The following SHANK1 variants were observed in gnomAD, a reference collection of about 807,000 sequenced individuals.
The protein encoded by SHANK1 is SH3 and multiple ankyrin repeat domains protein 1.
A neutral mutation model predicts 165.6 loss-of-function variants in SHANK1; 35 were observed. That is an observed-to-expected ratio of 0.21 (90% CI 0.16 to 0.28). The LOEUF is 0.28. Among genes scored for constraint, SHANK1 ranks in the 10% least tolerant of loss-of-function variants. The probability of loss-of-function intolerance (pLI) is 1.00; values close to 1 mark genes in which losing one functional copy is unlikely to be tolerated. For synonymous variants in SHANK1, 1,428 were observed against 1,384.8 expected, an observed-to-expected ratio of 1.03 and a Z score of -0.69; for missense variants, 2,681 against 3,036.4, an observed-to-expected ratio of 0.88 and a Z score of 2.75.
In SHANK1 at chr19:50,666,688, G is replaced by A; in HGVS notation, c.5272C>T (p.Arg1758Trp). ...PPQLMTPSKL[R>W]GRALGASGGL... Reference sequence around the variant, plus strand: ...CCGCTGGCTCCTAGCGCCCGGCCCCGGAGCTTAGAGGGAGTCATGAGCTGA... The same window carrying A: ...CCGCTGGCTCCTAGCGCCCGGCCCCAGAGCTTAGAGGGAGTCATGAGCTGA... Residue 1758 changes from arginine (R) to tryptophan (W), a missense_variant, in exon 23 of 24, where the codon CGG becomes TGG. Coordinates refer to ENST00000293441, the MANE Select transcript of SHANK1 (RefSeq NM_016148.5). 4 of 1,584,068 alleles carry A rather than the reference G, an allele frequency of 2.5e-6. No homozygotes were observed. Among genetic ancestry groups the A allele is most frequent in the South Asian group, 1.1e-5 (1 of 87,180 alleles).
In SHANK1 at chr19:50,666,655, G is replaced by A. The variant is rs1392161648; in HGVS notation, c.5305C>T (p.Arg1769Trp). Residue 1769 changes from arginine to tryptophan, a missense_variant, in exon 23 of 24, where the codon CGG becomes TGG. Around this residue, in one of 10 missense-constraint regions of SHANK1, gnomAD observed 1,713 missense variants for 1,630.2 expected, o/e 1.05. Coordinates refer to ENST00000293441, the MANE Select transcript of SHANK1 (RefSeq NM_016148.5). ...GRALGASGGLRPGPSGGLRDP... is the reference protein window; with the variant it reads ...GRALGASGGLWPGPSGGLRDP... ...CGGAGTCCCCCGCTGGGGCCAGGCC[G>A]CAGGCCTCCGCTGGCTCCTAGCGCC... 4 of 1,589,600 alleles carry A rather than the reference G, an allele frequency of 2.5e-6. No individual in the cohort carries two copies. Among genetic ancestry groups the A allele is most frequent in the Non-Finnish European group, 1.7e-6 (2 of 1,171,810 alleles).
In SHANK1 at chr19:50,667,028, G is replaced by C; in HGVS notation, c.4932C>G (p.Asp1644Glu). 1 of 1,550,162 alleles carries C rather than the reference G, an allele frequency of 6.5e-7. No homozygotes were observed. Among genetic ancestry groups the C allele is most frequent in the Non-Finnish European group, 8.7e-7 (1 of 1,151,496 alleles). The change falls in exon 23 of 24, where the codon GAC becomes GAG. Residue 1644 changes from aspartate (D) to glutamate (E), a missense_variant. Around this residue, in one of 10 missense-constraint regions of SHANK1, gnomAD observed 1,713 missense variants for 1,630.2 expected, o/e 1.05. Coordinates refer to ENST00000293441, the MANE Select transcript of SHANK1 (RefSeq NM_016148.5). This position sits in a 1 kb window ranked among gnomAD's most constrained non-coding sequence, Gnocchi z 5.7. The stretch of plus-strand genomic sequence containing the variant: ...GGGCAGGCGGGCCTGGTGGATGGGG[G>C]TCCCCAGGAGCGGCGGAGGCCCCCT... ...LTQGASAAPG[D>E]PHPPGPPAPA... is the part of the protein sequence containing the mutation.
Position 50,669,046 on chromosome 19 carries a change from C to A in SHANK1, c.2914G>T (p.Gly972Trp), listed in dbSNP as rs1374552020. 2 of 921,622 alleles carry A rather than the reference C, an allele frequency of 2.2e-6. No homozygotes were observed. The highest frequency in any genetic ancestry group is 1.7e-5 in the South Asian group (1 of 58,120). The allele number at this position is 921,622 out of a possible 1,614,324, so 57.1% of individuals were successfully genotyped here. The change falls in exon 23 of 24, where the codon GGG becomes TGG. Residue 972 changes from glycine to tryptophan, a missense_variant. Gly to Trp is a radical substitution (Grantham distance 184). This residue lies in a region of SHANK1 where 1,713 missense variants were observed against 1,630.2 expected (regional missense o/e 1.05). Transcript: ENST00000293441. ...ACGCGAGTGTCGGGAGGGGAGGGCCCGTCAAAGGATGCAGGGGAGGAGGCG... is the reference window on the plus strand; with the variant it reads ...ACGCGAGTGTCGGGAGGGGAGGGCCAGTCAAAGGATGCAGGGGAGGAGGCG... ...LPASSPASFD[G>W]PSPPDTRVGS...
Position 50,672,099 on chromosome 19 carries a change from G to A in SHANK1, c.2593C>T (p.His865Tyr), listed in dbSNP as rs1283301101. The A allele has an allele frequency of 1.9e-6, 3 of 1,613,586 alleles. No homozygotes were observed. In the African/African-American group the frequency reaches 4.0e-5, roughly 22 times the overall value. Residue 865 changes from histidine to tyrosine, a missense_variant, in exon 22 of 24, where the codon CAC becomes TAC. By Grantham distance (83) the His-to-Tyr change is moderately conservative (BLOSUM62 2). Around this residue, in one of 10 missense-constraint regions of SHANK1, gnomAD observed 206 missense variants for 216.0 expected, o/e 0.95. Transcript: ENST00000293441. ...FFATESSFDP[H>Y]HRAQPSYERP... ...TCGTAACTTGGCTGGGCACGGTGGT[G>A]GGGATCGAAGCTCGACTTTGGAGCG...
chr19:50,681,427 G>T (rs370964858), intron 21 of SHANK1, among the ~76,000 whole-genome samples: 1 of 152,210 alleles, frequency 6.6e-6, no homozygotes, highest in East Asian at 1.9e-4. Flanking sequence ...TAGGAGGCAG[G>T]GGCAGGTGGG....
chr19:50,671,980 TC>T, intron 22 of SHANK1, 37 bp downstream of exon 22: 2 of 1,492,232 alleles, frequency 1.3e-6, no homozygotes, highest in South Asian at 1.2e-5. Context: ...GTTCCTGGCC[TC>T]CCCCAGCCCC....
chr19:50,664,959 G>A (rs1326309336), intron 23 of SHANK1, among the ~76,000 whole-genome samples: 10 of 152,006 alleles, frequency 6.6e-5, no homozygotes, highest in African/African-American at 2.2e-4. Flanking sequence ...GGGTTTCACC[G>A]TGTTAGCCAG....
chr19:50,710,024 C>T (rs1032746743), intron 8 of SHANK1, among the ~76,000 whole-genome samples: 12 of 152,118 alleles, frequency 7.9e-5, no homozygotes, highest in African/African-American at 2.7e-4. Context: ...TAAGAGCTGG[C>T]GTTATTCCCA....
chr19:50,682,994 T>G (rs1986223103), intron 21 of SHANK1, among the ~76,000 whole-genome samples: 1 of 152,054 alleles, frequency 6.6e-6, no homozygotes, highest in South Asian at 2.1e-4. Flanking sequence ...TCTGCCCAAC[T>G]AATTTTTTGT....
Position 50,686,852 on chromosome 19 carries a change from GGGGGC to G in SHANK1, c.2390-45_2390-41del. On this transcript the variant is annotated intron_variant, in intron 19 of 23. Coordinates refer to ENST00000293441, the MANE Select transcript of SHANK1 (RefSeq NM_016148.5). This position sits in a 1 kb window ranked among gnomAD's most constrained non-coding sequence, Gnocchi z 5.7. ...CACGGATGACGCCCAGGGAGCCCCC[GGGGGC>G]GGGGCGGAGCGGGCTCGGCCTGTGG... The G allele has an allele frequency of 6.2e-7, 1 of 1,606,454 alleles. No homozygotes were observed.
chr19:50,700,878 C>T (rs1986894782), intron 12 of SHANK1, among the ~76,000 whole-genome samples: 1 of 152,116 alleles, frequency 6.6e-6, no homozygotes, highest in Non-Finnish European at 1.5e-5. Flanking sequence ...CTGGCCCCCA[C>T]AGTAGCTCCT....
rs934771381 is a variant in SHANK1 at position 50,670,205 on chromosome 19, C to T, written c.2675-920G>A. Among the ~76,000 whole-genome samples the T allele has an allele frequency of 6.6e-6, 1 of 152,174 alleles. No individual in the cohort carries two copies. Among genetic ancestry groups the T allele is most frequent in the Non-Finnish European group, 1.5e-5 (1 of 68,038 alleles). ...CCAGCCCACGGTCCCTCCCCACCACCGCAGCAAACAGCAGCTCTGTCCTTT... is the reference window on the plus strand; with the variant it reads ...CCAGCCCACGGTCCCTCCCCACCACTGCAGCAAACAGCAGCTCTGTCCTTT... On this transcript the variant is annotated intron_variant, in intron 22 of 23. Coordinates refer to ENST00000293441, the MANE Select transcript of SHANK1 (RefSeq NM_016148.5). The surrounding 1 kb of genome is among the most constrained non-coding windows in gnomAD (Gnocchi z 4.1).
rs1787093114 is a variant in SHANK1, at chr19:50,716,162, G to A, written c.459+113C>T. ...TGTGATGCTTAGAAGGTCTGGACTC[G>A]CACACTGGGTGCCCCCTCGTTAAGG... On this transcript the variant is annotated intron_variant, in intron 3 of 23. Transcript: ENST00000293441. The surrounding 1 kb of genome is among the most constrained non-coding windows in gnomAD (Gnocchi z 8.4). The A allele has an allele frequency of 7.2e-6, 7 of 968,468 alleles. No individual in the cohort carries two copies. Among genetic ancestry groups the A allele is most frequent in the South Asian group, 2.9e-5 (2 of 68,500 alleles). The allele number at this position is 968,468 out of a possible 1,614,324, so 60.0% of individuals were successfully genotyped here. A position where few individuals can be genotyped will look rare whatever the true frequency, so the allele number is the denominator to read the frequency against.
At position 50,709,224 on chromosome 19, in the gene SHANK1, C is replaced by T. The variant is rs550815256; in HGVS notation, c.1077+2147G>A. 3.2e-4 allele frequency among the ~76,000 whole-genome samples: 49 copies of T among 152,038 alleles called. 1 individual carries two copies. The South Asian group carries it at 9.8e-3, about 30-fold the overall frequency. On this transcript the variant is annotated intron_variant, in intron 8 of 23. Coordinates refer to ENST00000293441, the MANE Select transcript of SHANK1 (RefSeq NM_016148.5). Reference sequence around the variant, plus strand: ...CATGATCTTGGCTCACTGCAAACTCCGCCTCCCGGGTTCACGCCATTCTCC... The same window carrying T: ...CATGATCTTGGCTCACTGCAAACTCTGCCTCCCGGGTTCACGCCATTCTCC...
In SHANK1 at chr19:50,686,867, C is replaced by T. The variant is rs1348509492; in HGVS notation, c.2390-55G>A. On this transcript the variant is annotated intron_variant, in intron 19 of 23. Coordinates refer to ENST00000293441, the MANE Select transcript of SHANK1 (RefSeq NM_016148.5). This position sits in a 1 kb window ranked among gnomAD's most constrained non-coding sequence, Gnocchi z 5.7. ...GGGAGCCCCCGGGGGCGGGGCGGAG[C>T]GGGCTCGGCCTGTGGGCGTGGCCAG... 5 of 1,600,488 alleles carry T rather than the reference C, an allele frequency of 3.1e-6. No individual in the cohort carries two copies. Among genetic ancestry groups the T allele is most frequent in the East Asian group, 2.3e-5 (1 of 44,370 alleles).
At position 50,667,448 on chromosome 19, in the gene SHANK1, C is replaced by T. The variant is rs756553580; in HGVS notation, c.4512G>A (p.Val1504=). The T allele has an allele frequency of 3.9e-6, 6 of 1,529,266 alleles. No individual in the cohort carries two copies. The highest frequency in any genetic ancestry group is 2.3e-5 in the East Asian group (1 of 42,632). The allele number at this position is 1,529,266 out of a possible 1,614,324, so 94.7% of individuals were successfully genotyped here. Residue 1504 remains valine, a synonymous_variant, in exon 23 of 24, where the codon GTG becomes GTA. Transcript: ENST00000293441. The surrounding 1 kb of genome is among the most constrained non-coding windows in gnomAD (Gnocchi z 5.7). ...FLENCQPRAP[V]TSGRGPPSED... is the part of the protein sequence containing the mutation. ...CCGAGGGGGGACCCCTTCCGCTCGTCACAGGGGCCCGGGGCTGGCAGTTTT... is the reference window on the plus strand; with the variant it reads ...CCGAGGGGGGACCCCTTCCGCTCGTTACAGGGGCCCGGGGCTGGCAGTTTT...
chr19:50,663,433 C>T (rs1985348285), intron 23 of SHANK1, among the ~76,000 whole-genome samples: 1 of 152,164 alleles, frequency 6.6e-6, no homozygotes, highest in Admixed American at 6.5e-5. Flanking sequence ...TCACTCTTGC[C>T]CTGGGCAGCT....
At position 50,661,712 on chromosome 19, in the gene SHANK1, TCTC is replaced by T; in HGVS notation, c.*250_*252del. ...TCCTTCTCAATTCCCCTCTGTAATT[TCTC>T]CTATCCCCCCTCCGCTCCCCGCTTC... is the stretch of plus-strand genomic sequence containing the variant. On this transcript the variant is annotated 3_prime_UTR_variant, in exon 24 of 24. Transcript: ENST00000293441. 1.9e-6 allele frequency: 1 copy of T among 518,394 alleles called. No homozygotes were observed. The highest frequency in any genetic ancestry group is 3.4e-6 in the Non-Finnish European group (1 of 290,634). The allele number at this position is 518,394 out of a possible 1,614,324, so 32.1% of individuals were successfully genotyped here.
chr19:50,659,681 G>A lies in SHANK1; in HGVS notation c.*2284C>T, dbSNP rs1169512424. 2.1e-5 allele frequency among the ~76,000 whole-genome samples: 3 copies of A among 145,794 alleles called. No individual in the cohort carries two copies. The highest frequency in any genetic ancestry group is 3.0e-5 in the Non-Finnish European group (2 of 66,188). ...TCTGTTTTTTATATTTTCTTCTTTT[G>A]TTATTGTTCCTCTTTTTGCTTTTTC... is the stretch of plus-strand genomic sequence containing the variant. On this transcript the variant is annotated 3_prime_UTR_variant, in exon 24 of 24. Transcript: ENST00000293441.
Sources: allele counts gnomAD v4.1 joint callset (sites outside exome capture counted in the v4.1 genomes callset), GRCh38; gene constraint gnomAD v4.1.1; regional missense constraint gnomAD v4.1.1; non-coding constraint Gnocchi (gnomAD v3.1); transcripts MANE v1.5; gene names NCBI Gene and HGNC (gene_info 2026-07-23, HGNC 2026-07-21).